Variants in HOMER1 observed in about 807,000 individuals in gnomAD.
HOMER1 encodes the protein homer scaffold protein 1.
In HOMER1, 3 loss-of-function variants were observed where a neutral mutation model predicts 48.9. The observed-to-expected ratio is 0.06, with a 90% CI of 0.03 to 0.16. HOMER1 has a LOEUF of 0.16. Among genes scored for constraint, HOMER1 ranks in the 10% least tolerant of loss-of-function variants. HOMER1 has a pLI of 1.00. For synonymous variants in HOMER1, 134 were observed against 146.4 expected (o/e 0.92, Z 0.61); for missense variants, 247 against 411.4 (o/e 0.60, Z 3.46).
intron 5 of HOMER1, among the ~76,000 whole-genome samples, chr5:79,417,335 G>A (rs1332947473): frequency 1.3e-5 from 2 of 152,102 alleles, no homozygotes; most frequent in African/African-American, 2.4e-5. Context: ...GTAGAGACGG[G>A]GTTTCACCGT....
At chr5:79,505,807 A>G (rs1338897504) in intron 1 of HOMER1, among the ~76,000 whole-genome samples, 2 of 152,196 alleles carry the variant, frequency 1.3e-5, no homozygotes, top group Non-Finnish European at 2.9e-5. Context: ...ACAGAAAACA[A>G]TGACTTTTTG....
chr5:79,433,223 C>CT (rs1405601736), intron 5 of HOMER1, among the ~76,000 whole-genome samples: 1 of 152,136 alleles, frequency 6.6e-6, no homozygotes, highest in Non-Finnish European at 1.5e-5. Context: ...CAGCCATTCA[C>CT]TTTTTTCCTG....
chr5:79,401,050 A>G (rs1749524884), intron 6 of HOMER1, among the ~76,000 whole-genome samples: 1 of 148,456 alleles, frequency 6.7e-6, no homozygotes, highest in Non-Finnish European at 1.5e-5. Context: ...TGGGCTTCTG[A>G]TATTAATGGT....
At chr5:79,480,398 C>A (rs776498736) in intron 1 of HOMER1, among the ~76,000 whole-genome samples, 1 of 152,058 alleles carries the variant, frequency 6.6e-6, no homozygotes, top group Non-Finnish European at 1.5e-5. Flanking sequence ...GTTTAAGTAA[C>A]TGGTCAAAGG....
At chr5:79,439,204 A>T (rs1256543151) in intron 4 of HOMER1, 55 bp from the exon 5 acceptor site, 2 of 1,575,792 alleles carry the variant, frequency 1.3e-6, no homozygotes, top group Non-Finnish European at 1.7e-6. Flanking sequence ...TAAAGTACAC[A>T]ATATCATCTT....
intron 5 of HOMER1, among the ~76,000 whole-genome samples, chr5:79,412,300 C>A (rs543527773): frequency 2.0e-5 from 3 of 152,070 alleles, no homozygotes; most frequent in Admixed American, 6.6e-5. Flanking sequence ...GAACTGTGAA[C>A]GCAGAAGCAA....
chr5:79,463,087 A>AAT (rs1385677874), intron 1 of HOMER1, among the ~76,000 whole-genome samples: 1 of 152,210 alleles, frequency 6.6e-6, no homozygotes, highest in Non-Finnish European at 1.5e-5. Context: ...TAAGGCTGGT[A>AAT]ATATTTTCCA....
intron 1 of HOMER1, among the ~76,000 whole-genome samples, chr5:79,481,533 G>A (rs1751943347): frequency 6.6e-6 from 1 of 152,200 alleles, no homozygotes. Flanking sequence ...GAGTATTAAA[G>A]AGGAGGGAGC....
chr5:79,424,790 A>G (rs775760020), intron 5 of HOMER1, among the ~76,000 whole-genome samples: 2 of 152,096 alleles, frequency 1.3e-5, no homozygotes, highest in Admixed American at 1.3e-4. Flanking sequence ...ATTTTTGACT[A>G]TATTTATCAG....
At chr5:79,432,268 G>A (rs1478532694) in intron 5 of HOMER1, among the ~76,000 whole-genome samples, 1 of 152,180 alleles carries the variant, frequency 6.6e-6, no homozygotes, top group African/African-American at 2.4e-5. Flanking sequence ...CATGTAGCAG[G>A]CTAAGAACAG....
intron 5 of HOMER1, among the ~76,000 whole-genome samples, chr5:79,427,359 T>C (rs530478461): frequency 2.4e-4 from 36 of 152,266 alleles, no homozygotes; most frequent in African/African-American, 8.7e-4. Flanking sequence ...AATAATCCTA[T>C]AATTTATCCA....
intron 8 of HOMER1, among the ~76,000 whole-genome samples, chr5:79,376,710 C>A (rs1003511670): frequency 6.6e-6 from 1 of 152,022 alleles, no homozygotes; most frequent in Non-Finnish European, 1.5e-5. Context: ...TTTGCTTTGC[C>A]TCAATATCAA....
At position 79,513,981 on chromosome 5, in the gene HOMER1, C is replaced by T. The variant is rs1262534539; in HGVS notation, c.-1207G>A. 1.3e-5 allele frequency: 2 copies of T among 151,474 alleles called. No homozygotes were observed. The highest frequency in any genetic ancestry group is 2.9e-5 in the Non-Finnish European group (2 of 68,338). 9.4% of individuals were successfully genotyped at this position (151,474 alleles called of 1,614,324 possible). On this transcript the variant is annotated 5_prime_UTR_variant, in exon 1 of 9. Coordinates refer to ENST00000334082, the MANE Select transcript of HOMER1 (RefSeq NM_004272.5). ...CCGCCTCTTCACACTTCCATCAGCGCCCGCCTCCGGCTACCGCCGGGCAGA... is the reference window on the plus strand; with the variant it reads ...CCGCCTCTTCACACTTCCATCAGCGTCCGCCTCCGGCTACCGCCGGGCAGA...
In HOMER1 at chr5:79,455,343, G is replaced by A. The variant is rs771660947; in HGVS notation, c.162+1519C>T. ...GAATTGTAATCCCCATGTGTCAAGG[G>A]TGGAACCCGGTGGAGGTAATTGAAT... On this transcript the variant is annotated intron_variant, in intron 2 of 8. Coordinates refer to ENST00000334082, the MANE Select transcript of HOMER1 (RefSeq NM_004272.5). Among the ~76,000 whole-genome samples the A allele has an allele frequency of 6.6e-5, 10 of 151,392 alleles. No homozygotes were observed. The Admixed American group carries it at 6.6e-4, about 10-fold the overall frequency.
At chr5:79,452,037 C>G (rs977241186) in intron 2 of HOMER1, among the ~76,000 whole-genome samples, 2 of 151,992 alleles carry the variant, frequency 1.3e-5, no homozygotes, top group African/African-American at 2.4e-5. Context: ...GTTCCGGGAC[C>G]CCTATGTATA....
At chr5:79,487,130 T>C (rs1298888308) in intron 1 of HOMER1, among the ~76,000 whole-genome samples, 9 of 151,996 alleles carry the variant, frequency 5.9e-5, no homozygotes, top group Non-Finnish European at 1.3e-4. Context: ...AATACAAAAA[T>C]TAGCCAAGCG....
intron 1 of HOMER1, among the ~76,000 whole-genome samples, chr5:79,509,203 G>A (rs544919532): frequency 1.3e-5 from 2 of 152,260 alleles, no homozygotes; most frequent in South Asian, 2.1e-4. Context: ...GGAAAGAGGG[G>A]AAGGAAGGAC....
intron 1 of HOMER1, among the ~76,000 whole-genome samples, chr5:79,490,002 C>G (rs1216766738): frequency 6.6e-6 from 1 of 152,140 alleles, no homozygotes; most frequent in Non-Finnish European, 1.5e-5. Flanking sequence ...AGGTTGCATC[C>G]CTGTACTCAG....
At chr5:79,485,655 A>C (rs1412474745) in intron 1 of HOMER1, among the ~76,000 whole-genome samples, 1 of 152,238 alleles carries the variant, frequency 6.6e-6, no homozygotes, top group Non-Finnish European at 1.5e-5. Flanking sequence ...AACTGTGGTA[A>C]GTGTTACCAA....
Sources: gnomAD v4.1 joint callset for allele counts (sites outside exome capture counted in the v4.1 genomes callset) on GRCh38, gnomAD v4.1.1 for gene constraint, MANE v1.5 for transcripts, NCBI Gene and HGNC (gene_info 2026-07-23, HGNC 2026-07-21) for gene names.